Variants in CCDC40 observed in about 807,000 individuals in gnomAD.
CCDC40 encodes the protein coiled-coil domain-containing protein 40.
Under a neutral mutation model 124.5 loss-of-function variants are expected in CCDC40, and 104 were observed. The ratio of observed to expected loss-of-function variants is 0.84; its 90% CI spans 0.71 to 0.98. The LOEUF (loss-of-function observed/expected upper bound fraction) is 0.98, where lower values mean the gene tolerates loss of function less well. Among genes scored for constraint, CCDC40 ranks in the 50% least tolerant of loss-of-function variants. The probability of loss-of-function intolerance (pLI) is 0.00; values close to 1 mark genes in which losing one functional copy is unlikely to be tolerated. For synonymous variants in CCDC40, 580 were observed against 602.9 expected, an observed-to-expected ratio of 0.96 and a Z score of 0.56; for missense variants, 1,463 against 1,503.9, an observed-to-expected ratio of 0.97 and a Z score of 0.45.
rs1446897479 is a variant in CCDC40, at chr17:80,088,208, A to G, written c.2711+106A>G. On this transcript the variant is annotated intron_variant, in intron 16 of 19. Coordinates refer to ENST00000397545, the MANE Select transcript of CCDC40 (RefSeq NM_017950.4). ...AGGCCAGGTGTGGCAGCTCACACCC[A>G]TATCCCAGTGCTTTGGTCATTTTTT... 10 of 768,938 alleles carry G rather than the reference A, an allele frequency of 1.3e-5. No individual in the cohort carries two copies. The Admixed American group carries it at 1.4e-4, about 10-fold the overall frequency. The allele number at this position is 768,938 out of a possible 1,614,324, so 47.6% of individuals were successfully genotyped here. A position where few individuals can be genotyped will look rare whatever the true frequency, so the allele number is the denominator to read the frequency against.
At chr17:80,065,713 G>A in intron 10 of CCDC40, 107 bp downstream of exon 10, 1 of 1,459,212 alleles carries the variant, frequency 6.9e-7, no homozygotes. Context: ...TGGGACAGAG[G>A]GTGCACCTTG....
chr17:80,037,280 A>G (rs796376569), intron 1 of CCDC40, among the ~76,000 whole-genome samples: 27 of 152,292 alleles, frequency 1.8e-4, no homozygotes, highest in Admixed American at 7.2e-4. Flanking sequence ...GCGCACAGGG[A>G]GGGCGGCTGA....
In CCDC40 at chr17:80,100,102, C is replaced by T. The variant is rs1598560712; in HGVS notation, c.*327C>T. 2.6e-6 allele frequency: 1 copy of T among 386,630 alleles called. No homozygotes were observed. Among genetic ancestry groups the T allele is most frequent in the Non-Finnish European group, 4.9e-6 (1 of 203,612 alleles). The allele number at this position is 386,630 out of a possible 1,614,324, so 23.9% of individuals were successfully genotyped here. A position where few individuals can be genotyped will look rare whatever the true frequency, so the allele number is the denominator to read the frequency against. On this transcript the variant is annotated 3_prime_UTR_variant, in exon 20 of 20. Coordinates refer to ENST00000397545, the MANE Select transcript of CCDC40 (RefSeq NM_017950.4). ...GCAGCACTCCCAAATCTGCACGTGC[C>T]TCTCACAACACAACGCTGCCACAGG...
In CCDC40 at chr17:80,099,762, C is replaced by T. The variant is rs935581287; in HGVS notation, c.3416C>T (p.Pro1139Leu). The change falls in exon 20 of 20, where the codon CCA (proline) becomes CTA (leucine). Residue 1139 changes from proline (P) to leucine (L), a missense_variant. Transcript: ENST00000397545. ...SQMIANKLES[P>L]GPS The stretch of plus-strand genomic sequence containing the variant: ...ATGATCGCCAACAAGCTCGAGTCAC[C>T]AGGGCCCTCCTAGGGAGCAGCCTGG... The T allele has an allele frequency of 2.5e-6, 4 of 1,612,846 alleles. No individual in the cohort carries two copies. The highest frequency in any genetic ancestry group is 3.3e-5 in the Admixed American group (2 of 59,964).
intron 10 of CCDC40, among the ~76,000 whole-genome samples, chr17:80,079,911 C>T (rs972487440): frequency 4.7e-5 from 7 of 149,966 alleles, no homozygotes; most frequent in African/African-American, 9.8e-5. Context: ...AGTGGCAGAG[C>T]GAGACTCTGT....
intron 3 of CCDC40, chr17:80,040,632 T>C: frequency 3.4e-6 from 1 of 296,920 alleles, no homozygotes; most frequent in Non-Finnish European, 6.4e-6. Context: ...TGAGCCAAGA[T>C]CCCACCATTG....
At chr17:80,044,249 C>T (rs1443231954) in intron 3 of CCDC40, among the ~76,000 whole-genome samples, 2 of 152,184 alleles carry the variant, frequency 1.3e-5, no homozygotes, top group Non-Finnish European at 2.9e-5. Flanking sequence ...CTCCTACTCC[C>T]CTACCCTGGG....
At chr17:80,090,339 ACGAACAAGGGACGCGCGCAGGCACG>A (rs1567813886) in intron 17 of CCDC40, 27 of 654,312 alleles carry the variant, frequency 4.1e-5, no homozygotes, top group Middle Eastern at 3.0e-4. Flanking sequence ...AGGCACGTGC[ACGAACAAGGGACGCGCGCAGGCACG>A]TGCACGAACA....
chr17:80,095,968 T>A (rs1598554667), intron 18 of CCDC40, among the ~76,000 whole-genome samples: 2 of 152,240 alleles, frequency 1.3e-5, no homozygotes, highest in African/African-American at 4.8e-5. Context: ...CCACTGGGCC[T>A]GCACTGGGAG....
At chr17:80,072,791 C>T (rs1014995598) in intron 10 of CCDC40, among the ~76,000 whole-genome samples, 5 of 152,138 alleles carry the variant, frequency 3.3e-5, no homozygotes, top group South Asian at 2.1e-4. Flanking sequence ...TTCCCTTGCA[C>T]GGATACATCA....
chr17:80,083,387 G>T (rs1288921143), intron 12 of CCDC40, among the ~76,000 whole-genome samples: 3 of 152,208 alleles, frequency 2.0e-5, no homozygotes, highest in Non-Finnish European at 2.9e-5. Context: ...CTGGGAAGCC[G>T]CCCGTGGTGG....
At chr17:80,081,453 G>A (rs983280193) in intron 10 of CCDC40, 93 bp from the exon 11 acceptor site, 21 of 1,421,678 alleles carry the variant, frequency 1.5e-5, no homozygotes, top group African/African-American at 7.3e-5. Flanking sequence ...CATTGAGTTC[G>A]CCTTAGTGAG....
chr17:80,041,711 C>T (rs560257674), intron 3 of CCDC40, among the ~76,000 whole-genome samples: 2 of 152,196 alleles, frequency 1.3e-5, no homozygotes, highest in African/African-American at 4.8e-5. Flanking sequence ...GGTCATAGGC[C>T]AGCTGTCTTG....
chr17:80,099,269 C>T (rs1303411798), intron 19 of CCDC40, among the ~76,000 whole-genome samples: 2 of 151,542 alleles, frequency 1.3e-5, no homozygotes, highest in African/African-American at 2.4e-5. Context: ...CCAGCCTGGG[C>T]GACAGAGCAA....
chr17:80,065,355 A>G (rs2038015241), intron 9 of CCDC40, 130 bp from the exon 10 acceptor site: 8 of 1,253,040 alleles, frequency 6.4e-6, no homozygotes, highest in Non-Finnish European at 9.3e-6. Context: ...CTGCAGATGC[A>G]TGATCAAGGA....
intron 17 of CCDC40, chr17:80,090,589 C>T: frequency 6.7e-7 from 1 of 1,489,316 alleles, no homozygotes; most frequent in Non-Finnish European, 8.9e-7. Flanking sequence ...TTGTGACCCT[C>T]TAACGTATCC....
chr17:80,054,947 C>T lies in CCDC40; in HGVS notation c.1160-3547C>T, dbSNP rs1362118076. Among the ~76,000 whole-genome samples, 5 of 151,480 alleles carry T rather than the reference C, an allele frequency of 3.3e-5. No individual in the cohort carries two copies. The East Asian group carries it at 9.7e-4, about 29-fold the overall frequency. On this transcript the variant is annotated intron_variant, in intron 7 of 19. Coordinates refer to ENST00000397545, the MANE Select transcript of CCDC40 (RefSeq NM_017950.4). ...CCGAGACTGTGCCACTGCACTCCAT[C>T]CTGGCCAACAGAGTGAGACACTGTC...
intron 10 of CCDC40, 164 bp from the exon 11 acceptor site, chr17:80,081,382 C>T (rs1270622075): frequency 5.1e-5 from 8 of 155,872 alleles, no homozygotes; most frequent in African/African-American, 3.1e-4. Context: ...GAGACTCTGT[C>T]TCAAAAAATA....
chr17:80,067,560 T>C (rs1447527421), intron 10 of CCDC40: 1 of 1,534,034 alleles, frequency 6.5e-7, no homozygotes, highest in Non-Finnish European at 8.7e-7. Context: ...TTCCCGCCTT[T>C]CTACCACATG....
Sources: gnomAD v4.1 joint callset for allele counts (sites outside exome capture counted in the v4.1 genomes callset) on GRCh38, gnomAD v4.1.1 for gene constraint, MANE v1.5 for transcripts, NCBI Gene and HGNC (gene_info 2026-07-23, HGNC 2026-07-21) for gene names.